Variants in SH3RF3 observed in about 807,000 individuals in gnomAD.
The protein encoded by SH3RF3 is SH3 domain containing ring finger 3.
Under a neutral mutation model 66.3 loss-of-function variants are expected in SH3RF3, and 29 were observed. The ratio of observed to expected loss-of-function variants is 0.44; its 90% CI spans 0.33 to 0.60. The LOEUF (loss-of-function observed/expected upper bound fraction) is 0.60. SH3RF3 is among the 20% of genes least tolerant of loss of function. The pLI is 0.04. For synonymous variants in SH3RF3, 583 were observed against 532.0 expected (o/e 1.10, Z -1.32); for missense variants, 1,194 against 1,190.9 (o/e 1.00, Z -0.04).
At chr2:109,214,593 A>G (rs546177056) in intron 1 of SH3RF3, among the ~76,000 whole-genome samples, 1 of 152,332 alleles carries the variant, frequency 6.6e-6, no homozygotes, top group East Asian at 1.9e-4. Context: ...AAGACAGCCA[A>G]ACAGGAATCC....
At chr2:109,424,140 C>G (rs1676967794) in intron 5 of SH3RF3, among the ~76,000 whole-genome samples, 1 of 152,202 alleles carries the variant, frequency 6.6e-6, no homozygotes, top group Non-Finnish European at 1.5e-5. Context: ...GGGGAGTGCT[C>G]TCAGGACACA....
chr2:109,219,130 C>G (rs1026846029), intron 1 of SH3RF3, among the ~76,000 whole-genome samples: 2 of 152,182 alleles, frequency 1.3e-5, no homozygotes. Context: ...TGGAGTTCCA[C>G]CTCTCTCGCT....
At chr2:109,161,734 T>C (rs554760792) in intron 1 of SH3RF3, among the ~76,000 whole-genome samples, 3 of 151,810 alleles carry the variant, frequency 2.0e-5, no homozygotes, top group Admixed American at 2.0e-4. Flanking sequence ...AGGCTTTTTG[T>C]AACAACCAGC....
chr2:109,250,803 T>G (rs2105258451), intron 1 of SH3RF3, among the ~76,000 whole-genome samples: 1 of 151,976 alleles, frequency 6.6e-6, no homozygotes, highest in African/African-American at 2.4e-5. Flanking sequence ...GGAATTAGGA[T>G]TTTCAGAATT....
At chr2:109,289,045 C>T (rs914911618) in intron 1 of SH3RF3, among the ~76,000 whole-genome samples, 1 of 152,148 alleles carries the variant, frequency 6.6e-6, no homozygotes, top group South Asian at 2.1e-4. Context: ...ATTCGTTTGT[C>T]AACTGTTCCT....
chr2:109,260,263 C>T lies in SH3RF3; in HGVS notation c.574-87411C>T, dbSNP rs188741676. 3.4e-4 allele frequency among the ~76,000 whole-genome samples: 51 copies of T among 152,228 alleles called. 1 individual carries two copies. Among genetic ancestry groups the T allele is most frequent in the Admixed American group, 1.7e-3 (26 of 15,288 alleles). ...CCTAGTGGAAAACCATGCAAACTGACGCCTAAACCCAAGGCGCCATGCACA... is the reference window on the plus strand; with the variant it reads ...CCTAGTGGAAAACCATGCAAACTGATGCCTAAACCCAAGGCGCCATGCACA... On this transcript the variant is annotated intron_variant, in intron 1 of 9. Coordinates refer to ENST00000309415, the MANE Select transcript of SH3RF3 (RefSeq NM_001099289.3).
chr2:109,262,117 G>A (rs1402103229), intron 1 of SH3RF3, among the ~76,000 whole-genome samples: 1 of 152,204 alleles, frequency 6.6e-6, no homozygotes, highest in African/African-American at 2.4e-5. Flanking sequence ...CCTCAGGGCA[G>A]GAAAGCCCTG....
chr2:109,461,324 CAGAAAG>C (rs1340357802), intron 8 of SH3RF3, among the ~76,000 whole-genome samples: 1 of 152,258 alleles, frequency 6.6e-6, no homozygotes, highest in Admixed American at 6.5e-5. Context: ...AACTATCTCT[CAGAAAG>C]AGAGCAGTTG....
chr2:109,164,169 C>CT (rs528384267), intron 1 of SH3RF3, among the ~76,000 whole-genome samples: 70 of 149,690 alleles, frequency 4.7e-4, no homozygotes, highest in African/African-American at 8.3e-4. Flanking sequence ...ATGCCTCTCT[C>CT]TTTTTTTTTT....
chr2:109,361,739 G>T (rs1683054344), intron 2 of SH3RF3, among the ~76,000 whole-genome samples: 1 of 152,126 alleles, frequency 6.6e-6, no homozygotes, highest in African/African-American at 2.4e-5. Context: ...GCCTCCCAAA[G>T]TGTTATTCAG....
Position 109,449,364 on chromosome 2 carries a change from A to C in SH3RF3, c.2023A>C (p.Ile675Leu). The C allele has an allele frequency of 6.2e-7, 1 of 1,609,746 alleles. No homozygotes were observed. Among genetic ancestry groups the C allele is most frequent in the Non-Finnish European group, 8.5e-7 (1 of 1,177,700 alleles). The change falls in exon 8 of 10, where the codon ATC becomes CTC. Residue 675 changes from isoleucine (I) to leucine (L), a missense_variant. Ile to Leu is a conservative substitution (Grantham distance 5). Coordinates refer to ENST00000309415, the MANE Select transcript of SH3RF3 (RefSeq NM_001099289.3). ...CCCCCTCACATCAGCAGCATCAGCC[A>C]TCACACCTCCCAACGTCAGTGCCGC... ...AIPLTSAASA[I>L]TPPNVSAANL...
rs575460581 is a variant in SH3RF3, at chr2:109,304,033, A to G, written c.574-43641A>G. ...GGAGAATTGCTTGAACCTGGAAAGC[A>G]GAGGTTGCAGTGAGCTGAGATCGCG... On this transcript the variant is annotated intron_variant, in intron 1 of 9. Coordinates refer to ENST00000309415, the MANE Select transcript of SH3RF3 (RefSeq NM_001099289.3). Among the ~76,000 whole-genome samples the G allele has an allele frequency of 7.2e-5, 11 of 152,154 alleles. No homozygotes were observed. In the South Asian group the frequency reaches 2.1e-3, roughly 29 times the overall value.
chr2:109,315,803 G>A (rs1681865615), intron 1 of SH3RF3, among the ~76,000 whole-genome samples: 1 of 152,186 alleles, frequency 6.6e-6, no homozygotes, highest in African/African-American at 2.4e-5. Context: ...GTGTGGAAGG[G>A]ACGTCGTCGC....
intron 4 of SH3RF3, among the ~76,000 whole-genome samples, chr2:109,412,451 G>A (rs1339638955): frequency 6.6e-6 from 1 of 152,216 alleles, no homozygotes; most frequent in Non-Finnish European, 1.5e-5. Context: ...ATCTGAACAG[G>A]ACAGCAGGCA....
chr2:109,338,316 A>C (rs1682477499), intron 1 of SH3RF3, among the ~76,000 whole-genome samples: 1 of 152,106 alleles, frequency 6.6e-6, no homozygotes, highest in Non-Finnish European at 1.5e-5. Flanking sequence ...GTGTGGCAGA[A>C]TTGAGCTCTT....
At chr2:109,199,249 C>T (rs11123729) in intron 1 of SH3RF3, among the ~76,000 whole-genome samples, 120,580 of 148,708 alleles carry the variant, frequency 0.81, 48,400 homozygotes, top group East Asian at 0.86. Context: ...GTCCCAGCTA[C>T]GGGAGGTGCT....
chr2:109,418,454 C>T (rs1174073843), intron 4 of SH3RF3, among the ~76,000 whole-genome samples: 5 of 152,134 alleles, frequency 3.3e-5, no homozygotes, highest in Non-Finnish European at 7.4e-5. Flanking sequence ...TGTTCCGGGG[C>T]TCCCTCCTGG....
At chr2:109,376,347 C>G (rs531375980) in intron 3 of SH3RF3, among the ~76,000 whole-genome samples, 33 of 152,278 alleles carry the variant, frequency 2.2e-4, no homozygotes, top group African/African-American at 7.7e-4. Flanking sequence ...CTTTAAGGAG[C>G]ATTGTCAGGA....
intron 3 of SH3RF3, among the ~76,000 whole-genome samples, chr2:109,377,063 C>T (rs148498763): frequency 1.2e-3 from 179 of 152,306 alleles, no homozygotes; most frequent in African/African-American, 4.1e-3. Flanking sequence ...TTGGATTTGG[C>T]TTGGGCTGAA....
Sources: gnomAD v4.1 joint callset for allele counts (sites outside exome capture counted in the v4.1 genomes callset) on GRCh38, gnomAD v4.1.1 for gene constraint, MANE v1.5 for transcripts, NCBI Gene and HGNC (gene_info 2026-07-23, HGNC 2026-07-21) for gene names.